IGDCC4: variants seen among roughly 807,000 people sequenced by gnomAD.
The protein encoded by IGDCC4 is immunoglobulin superfamily DCC subclass member 4, also known as likely ortholog of mouse neighbor of Punc E11.
Under a neutral mutation model 116.6 loss-of-function variants are expected in IGDCC4, and 72 were observed. The ratio of observed to expected loss-of-function variants is 0.62; its 90% CI spans 0.51 to 0.75. IGDCC4 has a LOEUF of 0.75. IGDCC4 is among the 30% of genes least tolerant of loss of function. The pLI is 0.00. For synonymous variants in IGDCC4, 709 were observed against 719.9 expected, an observed-to-expected ratio of 0.98 and a Z score of 0.24; for missense variants, 1,501 against 1,662.4, an observed-to-expected ratio of 0.90 and a Z score of 1.69.
At position 65,422,849 on chromosome 15, in the gene IGDCC4, T is replaced by C. The variant is rs1023092416; in HGVS notation, c.14A>G (p.Asp5Gly). Residue 5 changes from aspartate (D) to glycine (G), a missense_variant, in exon 1 of 20, where the codon GAC becomes GGC. By Grantham distance (94) the Asp-to-Gly change is moderately conservative. Transcript: ENST00000352385. Reference protein sequence around the residue: MARGDAGRGRGLLAL... With the variant: MARGGAGRGRGLLAL... ...GAGGAGCCCGCGGCCGCGGCCGGCG[T>C]CCCCCCGCGCCATGGGGCTGGGCTC... is the stretch of plus-strand genomic sequence containing the variant. 1.7e-6 allele frequency: 2 copies of C among 1,183,424 alleles called. No individual in the cohort carries two copies. Among genetic ancestry groups the C allele is most frequent in the Non-Finnish European group, 2.1e-6 (2 of 954,438 alleles). 73.3% of individuals were successfully genotyped at this position (1,183,424 alleles called of 1,614,324 possible). A position where few individuals can be genotyped will look rare whatever the true frequency, so the allele number is the denominator to read the frequency against.
At position 65,383,908 on chromosome 15, in the gene IGDCC4, A is replaced by T; in HGVS notation, c.*101T>A. On this transcript the variant is annotated 3_prime_UTR_variant, in exon 20 of 20. Transcript: ENST00000352385. ...AACTTAGGAAGCTCCAAAGGGCTTG[A>T]TGATGTATCTACAGGCACACATGTG... 1 of 1,157,310 alleles carries T rather than the reference A, an allele frequency of 8.6e-7. No homozygotes were observed. The highest frequency in any genetic ancestry group is 1.2e-6 in the Non-Finnish European group (1 of 845,814). 71.7% of individuals were successfully genotyped at this position (1,157,310 alleles called of 1,614,324 possible).
Position 65,388,940 on chromosome 15 carries a change from G to T in IGDCC4, c.2575C>A (p.Leu859Met). The T allele has an allele frequency of 6.2e-7, 1 of 1,612,020 alleles. No homozygotes were observed. Among genetic ancestry groups the T allele is most frequent in the Non-Finnish European group, 8.5e-7 (1 of 1,179,132 alleles). ...TGCAGCCGAACCGTGGACGGTGTCA[G>T]GGGGCTCAGTCGCAGGTCGGATGGG... is the stretch of plus-strand genomic sequence containing the variant. ...TPPSDLRLSP[L>M]TPSTVRLHWC... The change falls in exon 15 of 20, where the codon CTG (leucine) becomes ATG (methionine). Residue 859 changes from leucine to methionine, a missense_variant. This residue lies in a region of IGDCC4 where 235 missense variants were observed against 328.0 expected (regional missense o/e 0.72). Transcript: ENST00000352385.
chr15:65,422,778 G>GGCGCCCGCCCTTACCGC lies in IGDCC4; in HGVS notation c.68_70+14dup. 2.3e-6 allele frequency: 3 copies of GGCGCCCGCCCTTACCGC among 1,332,220 alleles called. No homozygotes were observed. 82.5% of individuals were successfully genotyped at this position (1,332,220 alleles called of 1,614,324 possible). On this transcript the variant is annotated intron_variant, in intron 1 of 19. Coordinates refer to ENST00000352385, the MANE Select transcript of IGDCC4 (RefSeq NM_020962.3). ...CTCCGCAGTCGCTCCTGCCTCTCCG[G>GGCGCCCGCCCTTACCGC]GCGCCCGCCCTTACCGCGCGCGGCC...
rs2091490317 is a variant in IGDCC4, at chr15:65,389,295, G to T, written c.2525C>A (p.Thr842Asn). 6.2e-7 allele frequency: 1 copy of T among 1,613,756 alleles called. No individual in the cohort carries two copies. ...GPFGSVVERS[T>N]LPDRPSTPPS... ...TGGGAGCCACTCACGGTCAGGCAGGGTGGAGCGCTCCACCACAGAGCCGAA... is the reference window on the plus strand; with the variant it reads ...TGGGAGCCACTCACGGTCAGGCAGGTTGGAGCGCTCCACCACAGAGCCGAA... The change falls in exon 14 of 20, where the codon ACC becomes AAC. Residue 842 changes from threonine (T) to asparagine (N), a missense_variant. Around this residue, in one of 3 missense-constraint regions of IGDCC4, gnomAD observed 235 missense variants for 328.0 expected, o/e 0.72. Transcript: ENST00000352385.
chr15:65,393,624 T>C lies in IGDCC4; in HGVS notation c.1715-93A>G, dbSNP rs2062889480. ...TGGCTCTTCCGCCTCACATCCCGGTTCCTCCGTGCCCGTGGGAGCCTGAGG... is the reference window on the plus strand; with the variant it reads ...TGGCTCTTCCGCCTCACATCCCGGTCCCTCCGTGCCCGTGGGAGCCTGAGG... On this transcript the variant is annotated intron_variant, in intron 9 of 19. Transcript: ENST00000352385. The surrounding 1 kb of genome is among the most constrained non-coding windows in gnomAD (Gnocchi z 4.6). The C allele has an allele frequency of 2.2e-6, 3 of 1,346,518 alleles. No individual in the cohort carries two copies. In the South Asian group the frequency reaches 4.3e-5, roughly 19 times the overall value. The allele number at this position is 1,346,518 out of a possible 1,614,324, so 83.4% of individuals were successfully genotyped here.
chr15:65,395,677 AT>A, intron 7 of IGDCC4, 72 bp downstream of exon 7: 2 of 1,371,356 alleles, frequency 1.5e-6, no homozygotes, highest in Non-Finnish European at 1.9e-6. Context: ...CCCTTCAGTC[AT>A]CCGACCTGAA....
rs199544734 is a variant in IGDCC4 at position 65,392,007 on chromosome 15, G to A, written c.2123-26C>T. On this transcript the variant is annotated intron_variant, in intron 11 of 19. Coordinates refer to ENST00000352385, the MANE Select transcript of IGDCC4 (RefSeq NM_020962.3). The stretch of plus-strand genomic sequence containing the variant: ...CTGGGGAAGGTTACAGGGCTTAATG[G>A]CTAGGGGGACATCTGGGGTCACTCT... 7.8e-5 allele frequency: 124 copies of A among 1,586,038 alleles called. No individual in the cohort carries two copies. The East Asian group carries it at 2.7e-3, about 35-fold the overall frequency.
chr15:65,400,557 G>A (rs1281641606), intron 5 of IGDCC4, among the ~76,000 whole-genome samples: 1 of 152,158 alleles, frequency 6.6e-6, no homozygotes, highest in Non-Finnish European at 1.5e-5. Context: ...TGCAATAACC[G>A]TTCTGTAAGT....
At chr15:65,419,223 C>CTTTTTTTTTTTTTTTTTTTATTTT (rs2063169590) in intron 1 of IGDCC4, among the ~76,000 whole-genome samples, 1 of 126,474 alleles carries the variant, frequency 7.9e-6, no homozygotes. Flanking sequence ...GACCGCCATG[C>CTTTTTTTTTTTTTTTTTTTATTTT]TTTTTTTTTT....
At chr15:65,400,138 G>T (rs1211463809) in intron 5 of IGDCC4, among the ~76,000 whole-genome samples, 1 of 152,242 alleles carries the variant, frequency 6.6e-6, no homozygotes, top group Non-Finnish European at 1.5e-5. Context: ...AAAGTGCTTA[G>T]GAGACTGCAC....
In IGDCC4 at chr15:65,392,249, C is replaced by T. The variant is rs1398689628; in HGVS notation, c.2007G>A (p.Gly669=). The T allele has an allele frequency of 6.2e-7, 1 of 1,612,128 alleles. No homozygotes were observed. Among genetic ancestry groups the T allele is most frequent in the Non-Finnish European group, 8.5e-7 (1 of 1,178,838 alleles). ...GATCGCCATTGGCCTCCTCCTCAGC[C>T]CCCACCTCCCGCCAATATAGTTTGT... is the stretch of plus-strand genomic sequence containing the variant. ...SGYKLYWREV[G]AEEEANGDRL... is the part of the protein sequence containing the mutation. The change falls in exon 11 of 20, where the codon GGG becomes GGA. Residue 669 remains glycine, a synonymous_variant. Transcript: ENST00000352385.
At chr15:65,385,650 A>G (rs931076132) in intron 18 of IGDCC4, 181 bp downstream of exon 18, 1 of 682,708 alleles carries the variant, frequency 1.5e-6, no homozygotes, top group African/African-American at 1.8e-5. Context: ...TTCCGCCGGG[A>G]TATGGAGGCC....
At position 65,383,797 on chromosome 15, in the gene IGDCC4, CGTAT is replaced by C. The variant is rs2140184347; in HGVS notation, c.*208_*211del. ...GTGCACATCACATGTAGCTATGTCT[CGTAT>C]GTCTTTCACATGTCACATGTGTATC... On this transcript the variant is annotated 3_prime_UTR_variant, in exon 20 of 20. Transcript: ENST00000352385. The C allele has an allele frequency of 2.0e-6, 1 of 494,438 alleles. No individual in the cohort carries two copies. Among genetic ancestry groups the C allele is most frequent in the South Asian group, 3.9e-5 (1 of 25,502 alleles). 30.6% of individuals were successfully genotyped at this position (494,438 alleles called of 1,614,324 possible). A position where few individuals can be genotyped will look rare whatever the true frequency, so the allele number is the denominator to read the frequency against.
At chr15:65,398,178 G>A (rs2062944844) in intron 5 of IGDCC4, among the ~76,000 whole-genome samples, 1 of 152,152 alleles carries the variant, frequency 6.6e-6, no homozygotes, top group South Asian at 2.1e-4. Context: ...GAGTGTTTGA[G>A]TGTTTTCTGC....
chr15:65,395,851 G>T lies in IGDCC4; in HGVS notation c.1310C>A (p.Ala437Asp). The change falls in exon 7 of 20, where the codon GCT (alanine) becomes GAT (aspartate). Residue 437 changes from alanine (A) to aspartate (D), a missense_variant. Coordinates refer to ENST00000352385, the MANE Select transcript of IGDCC4 (RefSeq NM_020962.3). Reference sequence around the variant, plus strand: ...CACAGCGGAGCTGCTCAGTGGCGTAGCAGTGACCCGCGTGGGGGCGCTGGG... The same window carrying T: ...CACAGCGGAGCTGCTCAGTGGCGTATCAGTGACCCGCGTGGGGGCGCTGGG... ...GLPSAPTRVT[A>D]TPLSSSAVLV... 6.3e-7 allele frequency: 1 copy of T among 1,577,002 alleles called. No individual in the cohort carries two copies. The highest frequency in any genetic ancestry group is 1.7e-5 in the Admixed American group (1 of 57,710).
At chr15:65,392,458 G>T in intron 10 of IGDCC4, 88 bp from the exon 11 acceptor site, 1 of 1,022,822 alleles carries the variant, frequency 9.8e-7, no homozygotes, top group Non-Finnish European at 1.4e-6. Context: ...CAGGGAAGAG[G>T]CATGAGGAAG....
In IGDCC4 at chr15:65,404,164, C is replaced by T. The variant is rs1470250094; in HGVS notation, c.564-1677G>A. Among the ~76,000 whole-genome samples the T allele has an allele frequency of 3.3e-5, 5 of 152,130 alleles. No homozygotes were observed. In the South Asian group the frequency reaches 8.3e-4, roughly 25 times the overall value. ...GGCTGGGGAGGAAGAATGTTCTAAA[C>T]AGGGGCCCTACAAACCTGCTGTGGC... On this transcript the variant is annotated intron_variant, in intron 3 of 19. Coordinates refer to ENST00000352385, the MANE Select transcript of IGDCC4 (RefSeq NM_020962.3).
At chr15:65,386,091 G>C (rs1000065496) in intron 17 of IGDCC4, 32 bp from the exon 18 acceptor site, 4 of 1,377,392 alleles carry the variant, frequency 2.9e-6, no homozygotes, top group African/African-American at 2.9e-5. Flanking sequence ...AAGGCATAGC[G>C]GTCAGAGTAA....
intron 2 of IGDCC4, 102 bp downstream of exon 2, chr15:65,410,918 T>A: frequency 3.4e-6 from 3 of 893,944 alleles, no homozygotes; most frequent in Non-Finnish European, 5.0e-6. Flanking sequence ...GGGAGTGGGA[T>A]CAAGAGAGAG....
Sources: allele counts gnomAD v4.1 joint callset (sites outside exome capture counted in the v4.1 genomes callset), GRCh38; gene constraint gnomAD v4.1.1; regional missense constraint gnomAD v4.1.1; non-coding constraint Gnocchi (gnomAD v3.1); transcripts MANE v1.5; gene names NCBI Gene and HGNC (gene_info 2026-07-23, HGNC 2026-07-21).